C3orf49: variants seen among roughly 807,000 people sequenced by gnomAD.
The protein encoded by C3orf49 is chromosome 3 open reading frame 49.
Under a neutral mutation model 13.3 loss-of-function variants are expected in C3orf49, and 27 were observed. The ratio of observed to expected loss-of-function variants is 2.02; its 90% CI spans 1.49 to 2.79. The LOEUF (loss-of-function observed/expected upper bound fraction) is 2.79. Ranked by LOEUF, C3orf49 falls within the 30% of genes most tolerant of loss-of-function variation. The pLI, the probability that C3orf49 is intolerant of heterozygous loss-of-function variation, is 0.00. For missense variants in C3orf49, 242 were observed against 134.2 expected (o/e 1.80, Z -3.97); for synonymous variants, 87 against 47.6 (o/e 1.83, Z -3.40).
At chr3:63,808,671 C>T in the C3orf49 span, among the ~76,000 whole-genome samples, 1 of 152,218 alleles carries the variant, frequency 6.6e-6, no homozygotes, top group Admixed American at 6.5e-5. Flanking sequence ...TAAAACTTCT[C>T]TTCCAATTTA....
chr3:63,791,374 A>C, the C3orf49 span, among the ~76,000 whole-genome samples: 2 of 152,196 alleles, frequency 1.3e-5, no homozygotes, highest in Non-Finnish European at 2.9e-5. Flanking sequence ...TTCTTTGATA[A>C]GTCTGTTAGC....
the C3orf49 span, among the ~76,000 whole-genome samples, chr3:63,813,533 G>A: frequency 6.6e-6 from 1 of 152,064 alleles, no homozygotes; most frequent in Non-Finnish European, 1.5e-5. Context: ...CTAACCTGGG[G>A]CAGCAATCAA....
the C3orf49 span, among the ~76,000 whole-genome samples, chr3:63,806,992 C>T: frequency 0.52 from 79,442 of 151,594 alleles, 21,336 homozygotes; most frequent in South Asian, 0.62. Flanking sequence ...CGCTCTGTGG[C>T]CCAGGTTGGA....
chr3:63,784,434 A>C, the C3orf49 span, among the ~76,000 whole-genome samples: 1 of 152,230 alleles, frequency 6.6e-6, no homozygotes, highest in Non-Finnish European at 1.5e-5. Flanking sequence ...TAATGCAAAT[A>C]ATTGTTTGTC....
At chr3:63,823,765 G>GTT (rs1553675352) in intron 2 of C3orf49, among the ~76,000 whole-genome samples, 196 bp downstream of exon 2, 1 of 123,356 alleles carries the variant, frequency 8.1e-6, no homozygotes, top group Non-Finnish European at 1.7e-5. Context: ...TGTTCATACC[G>GTT]TTGTGTGTGT....
At chr3:63,828,996 CACT>C (rs1701499560) in intron 3 of C3orf49, among the ~76,000 whole-genome samples, 3 of 152,182 alleles carry the variant, frequency 2.0e-5, no homozygotes, top group Admixed American at 6.5e-5. Flanking sequence ...TCCCCAGTTG[CACT>C]AGCTACGTTT....
intron 1 of C3orf49, 134 bp from the exon 2 acceptor site, chr3:63,823,116 C>G: frequency 1.7e-6 from 1 of 575,846 alleles, no homozygotes; most frequent in Non-Finnish European, 3.1e-6. Flanking sequence ...TGATTTGATT[C>G]TTGGTCTTCA....
chr3:63,790,650 C>G, the C3orf49 span, among the ~76,000 whole-genome samples: 1 of 147,392 alleles, frequency 6.8e-6, no homozygotes, highest in Admixed American at 6.8e-5. Flanking sequence ...TTAAGACCTA[C>G]ATCTTTCATG....
At chr3:63,790,297 T>C in the C3orf49 span, among the ~76,000 whole-genome samples, 1 of 152,176 alleles carries the variant, frequency 6.6e-6, no homozygotes, top group Non-Finnish European at 1.5e-5. Flanking sequence ...CAAATATTTG[T>C]AATATATGCA....
At chr3:63,782,006 C>G in the C3orf49 span, among the ~76,000 whole-genome samples, 1 of 152,130 alleles carries the variant, frequency 6.6e-6, no homozygotes, top group Non-Finnish European at 1.5e-5. Flanking sequence ...GGCTCTAGAG[C>G]CTGTATGCTT....
rs144500770 is a variant in C3orf49, at chr3:63,837,139, A to G, written c.849+5295A>G. ...TCATTGTTTTAGAACTGAGCATATT[A>G]ATTCAAAGTATGATTCTTTTGGATA... On this transcript the variant is annotated intron_variant, in intron 5 of 6. Coordinates refer to ENST00000295896, the MANE Select transcript of C3orf49 (RefSeq NM_001355236.2). Among the ~76,000 whole-genome samples the G allele has an allele frequency of 1.4e-4, 21 of 152,094 alleles. No homozygotes were observed. In the East Asian group the frequency reaches 4.1e-3, roughly 29 times the overall value.
chr3:63,785,701 C>A, the C3orf49 span, among the ~76,000 whole-genome samples: 1 of 152,128 alleles, frequency 6.6e-6, no homozygotes, highest in Non-Finnish European at 1.5e-5. Flanking sequence ...TATTCACCTA[C>A]TTCCACAGCA....
At chr3:63,800,265 C>T in the C3orf49 span, among the ~76,000 whole-genome samples, 1 of 152,060 alleles carries the variant, frequency 6.6e-6, no homozygotes, top group Non-Finnish European at 1.5e-5. Context: ...GGTCGTTGGC[C>T]GCTGCTCAGT....
At chr3:63,814,186 T>C in the C3orf49 span, among the ~76,000 whole-genome samples, 23 of 152,148 alleles carry the variant, frequency 1.5e-4, no homozygotes, top group Non-Finnish European at 2.4e-4. Context: ...TGATGGGAGA[T>C]ACCTGGCTGA....
intron 5 of C3orf49, chr3:63,838,212 C>G: frequency 3.3e-6 from 3 of 899,320 alleles, no homozygotes. Context: ...ACTATATCAT[C>G]TTAGAATACA....
intron 5 of C3orf49, chr3:63,839,761 C>T (rs1701718940): frequency 1.2e-6 from 2 of 1,613,152 alleles, no homozygotes; most frequent in Non-Finnish European, 1.7e-6. Flanking sequence ...GAGACGCTTC[C>T]GTATAACTTC....
At chr3:63,800,233 A>C in the C3orf49 span, among the ~76,000 whole-genome samples, 1 of 152,054 alleles carries the variant, frequency 6.6e-6, no homozygotes, top group Non-Finnish European at 1.5e-5. Flanking sequence ...AGCATAAATT[A>C]CCTCCAAAAC....
At chr3:63,813,668 C>T in the C3orf49 span, among the ~76,000 whole-genome samples, 1 of 152,126 alleles carries the variant, frequency 6.6e-6, no homozygotes, top group Admixed American at 6.6e-5. Flanking sequence ...AGGAGTCTTC[C>T]CAGGAGAAAC....
chr3:63,813,935 G>A, the C3orf49 span, among the ~76,000 whole-genome samples: 1 of 151,956 alleles, frequency 6.6e-6, no homozygotes, highest in Non-Finnish European at 1.5e-5. Flanking sequence ...CAATGATTCC[G>A]GGTCACTAAA....
Sources: allele counts gnomAD v4.1 joint callset (sites outside exome capture counted in the v4.1 genomes callset), GRCh38; gene constraint gnomAD v4.1.1; transcripts MANE v1.5; gene names NCBI Gene and HGNC (gene_info 2026-07-23, HGNC 2026-07-21).